TTI1: variants seen among roughly 807,000 people sequenced by gnomAD.
TTI1 encodes the protein TELO2 interacting protein 1, also known as TELO2-interacting protein 1 homolog.
A neutral mutation model predicts 85.4 loss-of-function variants in TTI1; 52 were observed. That is an observed-to-expected ratio of 0.61 (90% CI 0.49 to 0.77). The LOEUF is 0.77. Ranked by LOEUF, TTI1 falls within the 30% of genes least tolerant of loss-of-function variation. TTI1 has a pLI of 0.00. For synonymous variants in TTI1, 512 were observed against 503.9 expected (o/e 1.02, Z -0.22); for missense variants, 1,173 against 1,296.0 (o/e 0.91, Z 1.46).
At chr20:37,985,432 T>C (rs11905100) in intron 7 of TTI1, among the ~76,000 whole-genome samples, 322 of 152,144 alleles carry the variant, frequency 2.1e-3, no homozygotes, top group African/African-American at 7.2e-3. Context: ...GGTCTTACCG[T>C]GAAGCCAGTC....
intron 3 of TTI1, among the ~76,000 whole-genome samples, chr20:38,003,115 C>T (rs1181785444): frequency 1.3e-5 from 2 of 152,092 alleles, no homozygotes; most frequent in Non-Finnish European, 1.5e-5. Context: ...TGCATGTCAC[C>T]ATGCCCAACT....
At chr20:38,025,521 A>G (rs914653462) in intron 1 of TTI1, among the ~76,000 whole-genome samples, 5 of 151,862 alleles carry the variant, frequency 3.3e-5, no homozygotes, top group African/African-American at 9.7e-5. Context: ...GTGAGCAGAG[A>G]TTGTGGCATG....
chr20:37,983,686 G>C, intron 7 of TTI1, 47 bp from the exon 8 acceptor site: 1 of 1,421,954 alleles, frequency 7.0e-7, no homozygotes, highest in Non-Finnish European at 9.2e-7. Flanking sequence ...GAGAGGGAAG[G>C]CGGGGAATGC....
intron 7 of TTI1, among the ~76,000 whole-genome samples, chr20:37,987,859 T>C (rs1276811225): frequency 6.6e-6 from 1 of 152,168 alleles, no homozygotes; most frequent in South Asian, 2.1e-4. Context: ...AAGTACCTAA[T>C]AAACTCCAGA....
At chr20:38,013,886 T>A (rs1377655981) in intron 1 of TTI1, 29 bp from the exon 2 acceptor site, 2 of 1,530,570 alleles carry the variant, frequency 1.3e-6, no homozygotes, top group East Asian at 4.5e-5. Context: ...TCAGTAAAAA[T>A]GTCAAGTTCA....
chr20:38,017,493 G>A (rs896571574), intron 1 of TTI1, among the ~76,000 whole-genome samples: 6 of 151,978 alleles, frequency 3.9e-5, no homozygotes, highest in South Asian at 2.1e-4. Flanking sequence ...GATCCTGGAC[G>A]TGGGCTTGGG....
chr20:38,017,118 C>A (rs1316776501), intron 1 of TTI1, among the ~76,000 whole-genome samples: 3 of 152,148 alleles, frequency 2.0e-5, no homozygotes, highest in African/African-American at 7.2e-5. Context: ...GTGTATATGT[C>A]TGTTTTACCT....
In TTI1 at chr20:38,013,827, C is replaced by T; in HGVS notation, c.-11G>A. ...ATCAAAAACTGCCATTGTGCAGCAG[C>T]CTTCCCCTCATTGAGGAAACATCCT... On this transcript the variant is annotated 5_prime_UTR_variant, in exon 2 of 8. Coordinates refer to ENST00000373447, the MANE Select transcript of TTI1 (RefSeq NM_001303457.2). 1 of 1,599,462 alleles carries T rather than the reference C, an allele frequency of 6.3e-7. No individual in the cohort carries two copies. Among genetic ancestry groups the T allele is most frequent in the Non-Finnish European group, 8.5e-7 (1 of 1,173,130 alleles).
intron 1 of TTI1, among the ~76,000 whole-genome samples, chr20:38,032,298 A>G (rs2073921695): frequency 6.6e-6 from 1 of 152,260 alleles, no homozygotes; most frequent in South Asian, 2.1e-4. Context: ...AGCTATGATT[A>G]TGATTCCAGT....
At chr20:37,986,186 A>G (rs2073187754) in intron 7 of TTI1, among the ~76,000 whole-genome samples, 1 of 152,182 alleles carries the variant, frequency 6.6e-6, no homozygotes, top group African/African-American at 2.4e-5. Context: ...CAATTTCTCA[A>G]GCTACAGCGT....
rs768402389 is a variant in TTI1 at position 38,013,849 on chromosome 20, T to A, written c.-33A>T. 2.6e-5 allele frequency: 41 copies of A among 1,580,752 alleles called. No homozygotes were observed. The highest frequency in any genetic ancestry group is 1.4e-5 in the African/African-American group (1 of 73,766). On this transcript the variant is annotated 5_prime_UTR_variant, in exon 2 of 8. The change abolishes an upstream ATG in the 5' untranslated region. Transcript: ENST00000373447. ...CAGCCTTCCCCTCATTGAGGAAACA[T>A]CCTGCAGGCTGGAGGAAGGAAACTG...
At chr20:38,006,725 G>GT (rs1232509383) in intron 2 of TTI1, among the ~76,000 whole-genome samples, 1 of 152,166 alleles carries the variant, frequency 6.6e-6, no homozygotes, top group Non-Finnish European at 1.5e-5. Context: ...TGACTCCCCT[G>GT]TTTAACTTAG....
At position 37,999,211 on chromosome 20, in the gene TTI1, G is replaced by C. The variant is rs149568606; in HGVS notation, c.2770C>G (p.Leu924Val). Residue 924 changes from leucine to valine, a missense_variant, in exon 5 of 8, where the codon CTG becomes GTG. Leu to Val is a conservative substitution (Grantham distance 32). Coordinates refer to ENST00000373447, the MANE Select transcript of TTI1 (RefSeq NM_001303457.2). ...LVHRLTRDAP[L>V]AVLRAFKVLR... ...ACCTTGAAGGCTCTAAGCACTGCCAGGGGGGCGTCCCGTGTGAGTCGGTGA... is the reference window on the plus strand; with the variant it reads ...ACCTTGAAGGCTCTAAGCACTGCCACGGGGGCGTCCCGTGTGAGTCGGTGA... 22 of 1,487,430 alleles carry C rather than the reference G, an allele frequency of 1.5e-5. No homozygotes were observed. The African/African-American group carries it at 3.0e-4, about 20-fold the overall frequency. The allele number at this position is 1,487,430 out of a possible 1,614,324, so 92.1% of individuals were successfully genotyped here.
chr20:38,020,323 A>AAAAAAAATATATATATATATATATAT, intron 1 of TTI1, among the ~76,000 whole-genome samples: 1 of 50,388 alleles, frequency 2.0e-5, no homozygotes, highest in African/African-American at 8.9e-5. Flanking sequence ...AAAAAAAAAA[A>AAAAAAAATATATATATATATATATAT]ATATATATAT....
chr20:38,006,098 C>T, intron 3 of TTI1, 99 bp downstream of exon 3: 1 of 1,386,208 alleles, frequency 7.2e-7, no homozygotes, highest in Non-Finnish European at 1.0e-6. Flanking sequence ...TTATGAGTAA[C>T]TTTTCTTATT....
At chr20:37,986,468 C>G (rs1352552764) in intron 7 of TTI1, among the ~76,000 whole-genome samples, 2 of 152,246 alleles carry the variant, frequency 1.3e-5, no homozygotes, top group Non-Finnish European at 2.9e-5. Flanking sequence ...AGTTCACCTT[C>G]TTTTATTAAG....
intron 7 of TTI1, among the ~76,000 whole-genome samples, chr20:37,983,963 T>C (rs190985871): frequency 6.6e-6 from 1 of 152,284 alleles, no homozygotes; most frequent in Non-Finnish European, 1.5e-5. Context: ...AGCAGGAGTT[T>C]TCACAAAGAA....
intron 1 of TTI1, among the ~76,000 whole-genome samples, chr20:38,025,181 C>T (rs6068535): frequency 6.6e-6 from 1 of 152,148 alleles, no homozygotes; most frequent in African/African-American, 2.4e-5. Context: ...ACAAAACAGC[C>T]TCAACAGATG....
At chr20:37,987,435 A>G (rs764392534) in intron 7 of TTI1, 1 of 432,626 alleles carries the variant, frequency 2.3e-6, no homozygotes, top group South Asian at 1.6e-5. Context: ...ATCTTTTTTC[A>G]AACCCAAAGA....
Sources: gnomAD v4.1 joint callset for allele counts (sites outside exome capture counted in the v4.1 genomes callset) on GRCh38, gnomAD v4.1.1 for gene constraint, MANE v1.5 for transcripts, NCBI Gene and HGNC (gene_info 2026-07-23, HGNC 2026-07-21) for gene names.